IGSF5: variants seen among roughly 807,000 people sequenced by gnomAD.
IGSF5 encodes the protein immunoglobulin superfamily 5 like.
IGSF5 carries 41 observed loss-of-function variants against 39.4 expected under a neutral mutation model. That is an observed-to-expected ratio of 1.04 (90% confidence interval 0.81 to 1.35). The LOEUF (loss-of-function observed/expected upper bound fraction) is 1.35, where lower values mean the gene tolerates loss of function less well. Ranked by LOEUF, IGSF5 falls within the 40% of genes most tolerant of loss-of-function variation. IGSF5 has a pLI of 0.00. For missense variants in IGSF5, 487 were observed against 494.6 expected (o/e 0.98, Z 0.15); for synonymous variants, 183 against 175.3 (o/e 1.04, Z -0.34).
chr21:39,771,143 G>A lies in IGSF5; in HGVS notation c.646G>A (p.Val216Met), dbSNP rs117910095. 3.0e-4 allele frequency: 483 copies of A among 1,608,736 alleles called. 1 individual carries two copies. The highest frequency in any genetic ancestry group is 3.7e-4 in the Non-Finnish European group (438 of 1,177,258). The change falls in exon 4 of 9, where the codon GTG becomes ATG. Residue 216 changes from valine to methionine, a missense_variant. Physicochemically the swap from Val to Met is conservative, Grantham distance 21. Coordinates refer to ENST00000380588, the MANE Select transcript of IGSF5 (RefSeq NM_001080444.2). ...ACAGAGCAATGGGACTTTGACTTGC[G>A]TGGCTACCTGGAAGAGCCTGAAGGC... ...TPQSNGTLTCVATWKSLKARK... is the reference protein window; with the variant it reads ...TPQSNGTLTCMATWKSLKARK...
intron 6 of IGSF5, among the ~76,000 whole-genome samples, chr21:39,789,000 C>T (rs1255829962): frequency 1.3e-5 from 2 of 152,084 alleles, no homozygotes; most frequent in Admixed American, 1.3e-4. Context: ...CCCTCTGACC[C>T]CTGGCAATTG....
the IGSF5 span, among the ~76,000 whole-genome samples, chr21:39,713,930 A>C: frequency 6.6e-6 from 1 of 152,180 alleles, no homozygotes; most frequent in Non-Finnish European, 1.5e-5. Context: ...ATTCAGCCTT[A>C]ATGTGTCCAC....
Position 39,779,015 on chromosome 21 carries a change from G to A in IGSF5, c.719-75G>A, listed in dbSNP as rs1021099256. On this transcript the variant is annotated intron_variant, in intron 4 of 8. Transcript: ENST00000380588. ...TTATAATATTACTAGAAAACATAAT[G>A]CAACTTATAATGGGGCAGAATCTGT... 5.2e-6 allele frequency: 8 copies of A among 1,537,226 alleles called. No homozygotes were observed. The Admixed American group carries it at 5.7e-5, about 11-fold the overall frequency.
chr21:39,763,220 G>A (rs1601127263), intron 2 of IGSF5, among the ~76,000 whole-genome samples: 1 of 152,160 alleles, frequency 6.6e-6, no homozygotes, highest in South Asian at 2.1e-4. Flanking sequence ...GTCCTCCAGT[G>A]TTTATTCTGA....
intron 3 of IGSF5, among the ~76,000 whole-genome samples, chr21:39,768,160 G>T (rs191868995): frequency 2.6e-5 from 4 of 152,144 alleles, no homozygotes; most frequent in Non-Finnish European, 2.9e-5. Flanking sequence ...AAGATATTGC[G>T]AGAGGAACCC....
the IGSF5 span, among the ~76,000 whole-genome samples, chr21:39,738,868 G>A: frequency 6.6e-6 from 1 of 151,512 alleles, no homozygotes; most frequent in Non-Finnish European, 1.5e-5. The surrounding 1 kb of genome is among the most constrained non-coding windows in gnomAD (Gnocchi z 6.4). Context: ...CCTCCTCTCT[G>A]GCAGATACGA....
intron 8 of IGSF5, 53 bp downstream of exon 8, chr21:39,793,666 C>T: frequency 7.1e-7 from 1 of 1,413,738 alleles, no homozygotes; most frequent in Non-Finnish European, 1.0e-6. Flanking sequence ...TTTAAAAATT[C>T]TTACCTTGTT....
At chr21:39,763,607 G>C (rs572747437) in intron 2 of IGSF5, among the ~76,000 whole-genome samples, 3 of 152,132 alleles carry the variant, frequency 2.0e-5, no homozygotes, top group Admixed American at 1.3e-4. Flanking sequence ...GGGTTTCAGA[G>C]GGATGCTTGT....
rs1432629081 is a variant in IGSF5 at position 39,745,354 on chromosome 21, G to A, written c.-156G>A. The A allele has an allele frequency of 1.8e-6, 1 of 556,876 alleles. No homozygotes were observed. Among genetic ancestry groups the A allele is most frequent in the African/African-American group, 1.9e-5 (1 of 52,564 alleles). 34.5% of individuals were successfully genotyped at this position (556,876 alleles called of 1,614,324 possible). A position where few individuals can be genotyped will look rare whatever the true frequency, so the allele number is the denominator to read the frequency against. On this transcript the variant is annotated 5_prime_UTR_variant, in exon 1 of 9. Transcript: ENST00000380588. ...TAGGTGCCTGAGGACGCAGCGTAGG[G>A]CTTCCTTAGATCCCTTTGGAGATAC...
chr21:39,734,859 T>C, the IGSF5 span, among the ~76,000 whole-genome samples: 1 of 152,038 alleles, frequency 6.6e-6, no homozygotes, highest in Non-Finnish European at 1.5e-5. Flanking sequence ...AAACAGCAGG[T>C]AAAATATAAT....
the IGSF5 span, among the ~76,000 whole-genome samples, chr21:39,739,862 A>G: frequency 6.6e-6 from 1 of 152,312 alleles, no homozygotes; most frequent in East Asian, 1.9e-4. Context: ...AGACAAACTT[A>G]ACAAGGAGGT....
the IGSF5 span, among the ~76,000 whole-genome samples, chr21:39,732,285 T>A: frequency 6.6e-6 from 1 of 152,168 alleles, no homozygotes; most frequent in Non-Finnish European, 1.5e-5. Flanking sequence ...GAGGGCAAAT[T>A]TTCTGCTGCT....
intron 5 of IGSF5, among the ~76,000 whole-genome samples, chr21:39,782,364 C>T (rs1434927360): frequency 2.0e-5 from 3 of 152,204 alleles, no homozygotes; most frequent in African/African-American, 7.2e-5. Flanking sequence ...GCAAAATCTA[C>T]ATAAAATTTT....
At chr21:39,768,685 A>G (rs964531638) in intron 3 of IGSF5, among the ~76,000 whole-genome samples, 2 of 152,230 alleles carry the variant, frequency 1.3e-5, no homozygotes, top group African/African-American at 4.8e-5. Flanking sequence ...TCTGTCAAAC[A>G]AAACAAACAC....
intron 7 of IGSF5, among the ~76,000 whole-genome samples, chr21:39,792,392 A>C (rs2086970634): frequency 6.6e-6 from 1 of 152,052 alleles, no homozygotes; most frequent in East Asian, 1.9e-4. Flanking sequence ...GGTGGGGGGA[A>C]GGGGGAAGGA....
chr21:39,728,764 CT>C, the IGSF5 span, among the ~76,000 whole-genome samples: 8 of 152,104 alleles, frequency 5.3e-5, no homozygotes, highest in Non-Finnish European at 1.0e-4. Context: ...TGAATGAACT[CT>C]TTTTTTGGTG....
intron 6 of IGSF5, chr21:39,791,744 G>A (rs898213852): frequency 1.1e-5 from 4 of 356,946 alleles, no homozygotes; most frequent in African/African-American, 8.2e-5. Context: ...TTGGTGAATG[G>A]TTTCTGAGAG....
At chr21:39,799,263 G>A (rs2087015181) in intron 8 of IGSF5, among the ~76,000 whole-genome samples, 2 of 152,194 alleles carry the variant, frequency 1.3e-5, no homozygotes, top group African/African-American at 2.4e-5. Context: ...CTCTATTCCG[G>A]TTTTCCTAAA....
chr21:39,760,186 T>TG (rs2080054085), intron 2 of IGSF5, among the ~76,000 whole-genome samples: 1 of 152,108 alleles, frequency 6.6e-6, no homozygotes, highest in Non-Finnish European at 1.5e-5. Flanking sequence ...TACTGTATAA[T>TG]GGGTTATATA....
Sources: gnomAD v4.1 joint callset for allele counts (sites outside exome capture counted in the v4.1 genomes callset) on GRCh38, gnomAD v4.1.1 for gene constraint, Gnocchi (gnomAD v3.1) non-coding constraint, MANE v1.5 for transcripts, NCBI Gene and HGNC (gene_info 2026-07-23, HGNC 2026-07-21) for gene names.